Variants in DNAH5 observed in about 807,000 individuals in gnomAD.
DNAH5 encodes the protein dynein axonemal heavy chain 5, also known as axonemal beta dynein heavy chain 5.
Under a neutral mutation model 518.2 loss-of-function variants are expected in DNAH5, and 372 were observed. The observed-to-expected ratio is 0.72, with a 90% CI of 0.66 to 0.78. DNAH5 has a LOEUF of 0.78. DNAH5 is among the 30% of genes least tolerant of loss of function. DNAH5 has a pLI of 0.00. For missense variants in DNAH5, 5,523 were observed against 5,687.0 expected (o/e 0.97, Z 0.93); for synonymous variants, 2,039 against 2,025.9 (o/e 1.01, Z -0.17).
intron 60 of DNAH5, 114 bp downstream of exon 60, chr5:13,762,608 C>T (rs1349833311): frequency 2.2e-5 from 20 of 897,694 alleles, no homozygotes; most frequent in Middle Eastern, 2.2e-4. Flanking sequence ...TCCCCATGGA[C>T]CTGAGTATCC....
intron 3 of DNAH5, 67 bp from the exon 4 acceptor site, chr5:13,923,507 G>A: frequency 1.3e-6 from 2 of 1,576,788 alleles, no homozygotes; most frequent in Middle Eastern, 1.7e-4. Flanking sequence ...CCTTTGGAAT[G>A]AAGTTTCCTT....
upstream of DNAH5, among the ~76,000 whole-genome samples, chr5:13,945,507 G>A (rs780057927): frequency 1.6e-4 from 25 of 152,282 alleles, no homozygotes; most frequent in Non-Finnish European, 2.8e-4. Flanking sequence ...GGGCACGGAC[G>A]GCCTCCATAT....
In DNAH5 at chr5:13,816,108, C is replaced by G. The variant is rs1446400054; in HGVS notation, c.6989-1262G>C. Among the ~76,000 whole-genome samples the G allele has an allele frequency of 3.3e-5, 5 of 152,126 alleles. No individual in the cohort carries two copies. The East Asian group carries it at 9.6e-4, about 29-fold the overall frequency. Reference sequence around the variant, plus strand: ...GCGATCAACTGTGCCGAATGCTCCTCAGGGCAGTACCAGACTGAGAACTGG... The same window carrying G: ...GCGATCAACTGTGCCGAATGCTCCTGAGGGCAGTACCAGACTGAGAACTGG... On this transcript the variant is annotated intron_variant, in intron 42 of 78. Coordinates refer to ENST00000265104, the MANE Select transcript of DNAH5 (RefSeq NM_001369.3).
At chr5:13,972,125 C>T (rs1230387945) in intron 1 of DNAH5, among the ~76,000 whole-genome samples, 3 of 152,152 alleles carry the variant, frequency 2.0e-5, no homozygotes, top group African/African-American at 7.2e-5. Flanking sequence ...TGACAGGCCT[C>T]ACCCAGCTCC....
In DNAH5 at chr5:13,859,670, AG is replaced by A. The variant is rs958347619; in HGVS notation, c.4797-66del. ...GTTGTGCTGTTGTTTCAAATTAAAAAGGTTTTTAAAAATCTTAATTTTTAAC... is the reference window on the plus strand; with the variant it reads ...GTTGTGCTGTTGTTTCAAATTAAAAAGTTTTTAAAAATCTTAATTTTTAAC... On this transcript the variant is annotated intron_variant, in intron 29 of 78. Transcript: ENST00000265104. 322 of 1,524,834 alleles carry A rather than the reference AG, an allele frequency of 2.1e-4. 5 individuals carry two copies. The South Asian group carries it at 2.3e-3, about 11-fold the overall frequency. 94.5% of individuals were successfully genotyped at this position (1,524,834 alleles called of 1,614,324 possible).
chr5:13,916,560 T>C (rs1776666152), intron 8 of DNAH5, 105 bp from the exon 9 acceptor site: 2 of 578,684 alleles, frequency 3.5e-6, no homozygotes, highest in Non-Finnish European at 6.3e-6. Context: ...GAGCTTTCTA[T>C]TAAAGATTTA....
chr5:13,922,606 A>G (rs542421982), intron 4 of DNAH5, among the ~76,000 whole-genome samples: 23 of 152,020 alleles, frequency 1.5e-4, no homozygotes, highest in African/African-American at 5.3e-4. Context: ...AGGCACCTGT[A>G]ATCCCAGCTA....
chr5:13,825,840 G>A (rs908319152), intron 38 of DNAH5, among the ~76,000 whole-genome samples: 1 of 152,090 alleles, frequency 6.6e-6, no homozygotes, highest in African/African-American at 2.4e-5. Context: ...AAATGGTTAA[G>A]ATAGTAAATT....
chr5:13,732,180 C>T (rs1157687126), intron 68 of DNAH5, among the ~76,000 whole-genome samples: 1 of 151,002 alleles, frequency 6.6e-6, no homozygotes, highest in Non-Finnish European at 1.5e-5. Context: ...GCTGCTACAA[C>T]AGAATATCAC....
At chr5:13,950,574 C>A (rs1042199341) in intron 1 of DNAH5, among the ~76,000 whole-genome samples, 1 of 152,186 alleles carries the variant, frequency 6.6e-6, no homozygotes, top group Non-Finnish European at 1.5e-5. Context: ...CCACACCCAG[C>A]CGTATTCTTT....
At chr5:13,805,853 G>T (rs764373964) in intron 47 of DNAH5, among the ~76,000 whole-genome samples, 1 of 152,184 alleles carries the variant, frequency 6.6e-6, no homozygotes, top group South Asian at 2.1e-4. Flanking sequence ...CTTGGTCAGA[G>T]GTATGGGTCT....
In DNAH5 at chr5:13,771,676, G is replaced by C. The variant is rs191944891; in HGVS notation, c.9374-696C>G. Reference sequence around the variant, plus strand: ...ATGCCTGTTGCGGAGCCACCACTGCGACGGGTGCCATGGAATGAAAGAGGA... The same window carrying C: ...ATGCCTGTTGCGGAGCCACCACTGCCACGGGTGCCATGGAATGAAAGAGGA... On this transcript the variant is annotated intron_variant, in intron 55 of 78. Coordinates refer to ENST00000265104, the MANE Select transcript of DNAH5 (RefSeq NM_001369.3). 8.2e-4 allele frequency among the ~76,000 whole-genome samples: 125 copies of C among 152,258 alleles called. 1 individual carries two copies. Among genetic ancestry groups the C allele is most frequent in the Non-Finnish European group, 1.5e-3 (101 of 68,020 alleles).
chr5:13,786,150 C>T, intron 52 of DNAH5, 29 bp downstream of exon 52: 1 of 1,612,402 alleles, frequency 6.2e-7, no homozygotes, highest in Non-Finnish European at 8.5e-7. Context: ...GTCACCTCCA[C>T]AAGGCACTAC....
intron 32 of DNAH5, among the ~76,000 whole-genome samples, chr5:13,842,405 C>G (rs13357235): frequency 1.4e-4 from 9 of 66,232 alleles, no homozygotes; most frequent in African/African-American, 5.1e-4. Context: ...AGAAACAGAG[C>G]GAGAAAGAAA....
intron 52 of DNAH5, among the ~76,000 whole-genome samples, chr5:13,785,476 C>T (rs1561253220): frequency 1.3e-5 from 2 of 152,186 alleles, no homozygotes; most frequent in Non-Finnish European, 2.9e-5. Flanking sequence ...ACTGTTTATA[C>T]ACTATTTTTA....
At chr5:14,009,830 C>T (rs770221145) in intron 1 of DNAH5, among the ~76,000 whole-genome samples, 7 of 152,052 alleles carry the variant, frequency 4.6e-5, no homozygotes, top group Non-Finnish European at 7.4e-5. Context: ...AACAGAAAAC[C>T]GAAAATATTT....
chr5:13,829,952 C>G, intron 37 of DNAH5, 74 bp downstream of exon 37: 1 of 1,374,604 alleles, frequency 7.3e-7, no homozygotes, highest in Non-Finnish European at 1.0e-6. Context: ...AAACAGATGA[C>G]ATATGACCAG....
At chr5:13,905,767 T>G (rs148562519) in intron 12 of DNAH5, among the ~76,000 whole-genome samples, 2 of 152,310 alleles carry the variant, frequency 1.3e-5, no homozygotes, top group African/African-American at 4.8e-5. Flanking sequence ...CAATCATACT[T>G]CTTGGTACTC....
At chr5:13,960,246 G>C (rs936835842) in intron 1 of DNAH5, among the ~76,000 whole-genome samples, 5 of 152,204 alleles carry the variant, frequency 3.3e-5, no homozygotes, top group African/African-American at 1.2e-4. Flanking sequence ...AAGGTGAGGA[G>C]AAACGAGGTG....
Sources: gnomAD v4.1 joint callset for allele counts (sites outside exome capture counted in the v4.1 genomes callset) on GRCh38, gnomAD v4.1.1 for gene constraint, MANE v1.5 for transcripts, NCBI Gene and HGNC (gene_info 2026-07-23, HGNC 2026-07-21) for gene names.